Variants in CCNY observed in about 807,000 individuals in gnomAD.
The protein encoded by CCNY is cyclin-Y.
CCNY carries 19 observed loss-of-function variants against 42.8 expected under a neutral mutation model. The ratio of observed to expected loss-of-function variants is 0.44; its 90% CI spans 0.31 to 0.65. The LOEUF (loss-of-function observed/expected upper bound fraction) is 0.65. Among genes scored for constraint, CCNY ranks in the 30% least tolerant of loss-of-function variants. The pLI, the probability that CCNY is intolerant of heterozygous loss-of-function variation, is 0.07. For synonymous variants in CCNY, 165 were observed against 162.7 expected, an observed-to-expected ratio of 1.01 and a Z score of -0.11; for missense variants, 370 against 437.3, an observed-to-expected ratio of 0.85 and a Z score of 1.37.
At chr10:35,539,680 G>A (rs929090339) in intron 7 of CCNY, among the ~76,000 whole-genome samples, 7 of 152,106 alleles carry the variant, frequency 4.6e-5, no homozygotes, top group South Asian at 2.1e-4. Flanking sequence ...CCAGCTACTC[G>A]GGAGGCTGAG....
At chr10:35,567,616 TGGTGTG>T (rs1467862310) in intron 9 of CCNY, among the ~76,000 whole-genome samples, 2 of 152,224 alleles carry the variant, frequency 1.3e-5, no homozygotes, top group African/African-American at 4.8e-5. Flanking sequence ...AGTGCAGAGT[TGGTGTG>T]GCATCATGAT....
intron 1 of CCNY, among the ~76,000 whole-genome samples, chr10:35,370,050 C>T (rs1259770463): frequency 6.6e-6 from 1 of 152,150 alleles, no homozygotes; most frequent in East Asian, 1.9e-4. Flanking sequence ...ACAGGCTTCA[C>T]AGTAACCCCA....
intron 1 of CCNY, among the ~76,000 whole-genome samples, chr10:35,420,841 A>T (rs1235480452): frequency 6.6e-6 from 1 of 152,222 alleles, no homozygotes; most frequent in African/African-American, 2.4e-5. Flanking sequence ...CCTAAATGGC[A>T]ATGAGTCTGA....
intron 1 of CCNY, among the ~76,000 whole-genome samples, chr10:35,443,971 CGT>C (rs1366388897): frequency 0.014 from 2,058 of 152,306 alleles, 38 homozygotes; most frequent in East Asian, 0.056. Context: ...ATAGGGTGGA[CGT>C]GTCAGACTAT....
intron 3 of CCNY, among the ~76,000 whole-genome samples, chr10:35,512,143 A>AAGGAAAACAAAATTC (rs1840337228): frequency 6.6e-6 from 1 of 152,248 alleles, no homozygotes; most frequent in African/African-American, 2.4e-5. Context: ...AACCAACAGA[A>AAGGAAAACAAAATTC]AGGAAAACAA....
At chr10:35,561,103 G>A (rs1841457246) in intron 8 of CCNY, among the ~76,000 whole-genome samples, 1 of 152,186 alleles carries the variant, frequency 6.6e-6, no homozygotes, top group African/African-American at 2.4e-5. Context: ...ATGAACAATG[G>A]GTTCCTTCCA....
At chr10:35,297,693 A>G (rs116984229) in intron 3 of CCNY, among the ~76,000 whole-genome samples, 4,089 of 152,280 alleles carry the variant, frequency 0.027, 74 homozygotes, top group South Asian at 0.051. Flanking sequence ...CTAAACACCA[A>G]CAACATCCAA....
chr10:35,273,839 C>T (rs1835204574), intron 3 of CCNY, among the ~76,000 whole-genome samples: 1 of 152,172 alleles, frequency 6.6e-6, no homozygotes, highest in African/African-American at 2.4e-5. Context: ...TCTTTTCCCA[C>T]CACAGGTCCC....
chr10:35,499,551 T>C (rs903736167), intron 2 of CCNY, among the ~76,000 whole-genome samples: 3 of 152,250 alleles, frequency 2.0e-5, no homozygotes, highest in Non-Finnish European at 4.4e-5. Context: ...AGCCATTACT[T>C]CTACACGTGA....
At chr10:35,560,356 G>T (rs908863221) in intron 8 of CCNY, among the ~76,000 whole-genome samples, 1 of 152,140 alleles carries the variant, frequency 6.6e-6, no homozygotes, top group African/African-American at 2.4e-5. Context: ...AACCATGTCT[G>T]GAGATAAGGT....
intron 1 of CCNY, among the ~76,000 whole-genome samples, chr10:35,427,875 T>A (rs1838303280): frequency 1.3e-5 from 2 of 152,036 alleles, no homozygotes; most frequent in Non-Finnish European, 2.9e-5. Context: ...CCTCAAGTTC[T>A]GTTCTGGATC....
chr10:35,392,321 ACCAGAGGAAGGCACTGTT>A (rs1326226023), intron 1 of CCNY, among the ~76,000 whole-genome samples: 2 of 152,220 alleles, frequency 1.3e-5, no homozygotes, highest in Non-Finnish European at 2.9e-5. Flanking sequence ...GAACATAAAG[ACCAGAGGAAGGCACTGTT>A]CTGGGTGTTG....
At chr10:35,360,331 A>C (rs542504053) in intron 1 of CCNY, among the ~76,000 whole-genome samples, 17 of 144,710 alleles carry the variant, frequency 1.2e-4, no homozygotes, top group Non-Finnish European at 1.8e-4. Context: ...CTGTCACCCA[A>C]GCTGGAGTGT....
chr10:35,298,673 C>T (rs1451413915), intron 3 of CCNY, among the ~76,000 whole-genome samples: 5 of 152,140 alleles, frequency 3.3e-5, no homozygotes, highest in Admixed American at 1.3e-4. Flanking sequence ...AGGGCCACCA[C>T]GTCTGGCTAA....
intron 3 of CCNY, among the ~76,000 whole-genome samples, chr10:35,503,167 AAC>A (rs1378404451): frequency 6.6e-6 from 1 of 152,020 alleles, no homozygotes; most frequent in African/African-American, 2.4e-5. Flanking sequence ...CACACTTGAG[AAC>A]ACATCTGCTG....
At chr10:35,515,297 G>A (rs529435124) in intron 3 of CCNY, among the ~76,000 whole-genome samples, 1 of 152,296 alleles carries the variant, frequency 6.6e-6, no homozygotes, top group South Asian at 2.1e-4. Context: ...GCAGCGCAGT[G>A]CTAACTGTGA....
intron 1 of CCNY, among the ~76,000 whole-genome samples, chr10:35,464,492 A>C (rs1208865688): frequency 1.3e-5 from 2 of 151,272 alleles, no homozygotes; most frequent in African/African-American, 4.9e-5. Context: ...GGGGATAAAA[A>C]TCCAGACTCC....
At chr10:35,549,600 C>T (rs1387902264) in intron 7 of CCNY, among the ~76,000 whole-genome samples, 1 of 143,442 alleles carries the variant, frequency 7.0e-6, no homozygotes, top group Non-Finnish European at 1.5e-5. Context: ...GCTCATGACC[C>T]TGCGCTGCTC....
chr10:35,338,472 A>T (rs150274556), intron 1 of CCNY, among the ~76,000 whole-genome samples: 137 of 152,326 alleles, frequency 9.0e-4, no homozygotes, highest in African/African-American at 3.1e-3. Context: ...TTTTAAACAT[A>T]CGCTTAGATG....
Sources: allele counts gnomAD v4.1 joint callset (sites outside exome capture counted in the v4.1 genomes callset), GRCh38; gene constraint gnomAD v4.1.1; transcripts MANE v1.5; gene names NCBI Gene and HGNC (gene_info 2026-07-23, HGNC 2026-07-21).